Variants in VPS8 observed in about 807,000 individuals in gnomAD.
VPS8 encodes the protein vacuolar protein sorting-associated protein 8 homolog.
A neutral mutation model predicts 216.4 loss-of-function variants in VPS8; 129 were observed. The ratio of observed to expected loss-of-function variants is 0.60; its 90% confidence interval spans 0.52 to 0.69. The LOEUF is 0.69. Among genes scored for constraint, VPS8 ranks in the 30% least tolerant of loss-of-function variants. The probability of loss-of-function intolerance (pLI) is 0.00; values close to 1 mark genes in which losing one functional copy is unlikely to be tolerated. For synonymous variants in VPS8, 571 were observed against 565.4 expected (o/e 1.01, Z -0.14); for missense variants, 1,531 against 1,683.5 (o/e 0.91, Z 1.59).
intron 25 of VPS8, among the ~76,000 whole-genome samples, chr3:184,910,128 A>T (rs866186272): frequency 0.021 from 1,852 of 86,788 alleles, 33 homozygotes; most frequent in African/African-American, 0.054. Context: ...AGATTCTCCT[A>T]TTTTTTTTTT....
chr3:184,994,113 C>T, intron 43 of VPS8, 50 bp downstream of exon 43: 1 of 1,352,670 alleles, frequency 7.4e-7, no homozygotes. Context: ...TAGAAAAATG[C>T]TATTTTTTTT....
intron 9 of VPS8, 78 bp from the exon 10 acceptor site, chr3:184,849,858 T>A (rs778066864): frequency 7.5e-5 from 79 of 1,053,208 alleles, no homozygotes; most frequent in Admixed American, 3.3e-4. Flanking sequence ...GAATAGATTA[T>A]TCCAGCCAGA....
chr3:185,032,673 T>A (rs1758334162), intron 46 of VPS8, among the ~76,000 whole-genome samples: 1 of 152,126 alleles, frequency 6.6e-6, no homozygotes, highest in Non-Finnish European at 1.5e-5. Flanking sequence ...AATAGCCTTT[T>A]TTTTTTTCTT....
intron 29 of VPS8, among the ~76,000 whole-genome samples, chr3:184,921,581 CTT>C (rs201233527): frequency 6.7e-6 from 1 of 148,450 alleles, no homozygotes; most frequent in South Asian, 2.1e-4. Flanking sequence ...TCTTCTTCTT[CTT>C]TTTTTTTTGA....
At chr3:185,000,636 T>C (rs562676587) in intron 45 of VPS8, among the ~76,000 whole-genome samples, 263 of 146,024 alleles carry the variant, frequency 1.8e-3, no homozygotes, top group Admixed American at 4.5e-3. Flanking sequence ...TGAGATGCAG[T>C]CTCGCTCTGT....
At chr3:184,859,964 T>A (rs530667657) in intron 14 of VPS8, 21 bp from the exon 15 acceptor site, 1 of 1,597,926 alleles carries the variant, frequency 6.3e-7, no homozygotes, top group South Asian at 1.1e-5. Context: ...GGTTTTTAGG[T>A]TGTTTTTATT....
At chr3:184,907,309 A>G (rs535711908) in intron 25 of VPS8, among the ~76,000 whole-genome samples, 1 of 152,338 alleles carries the variant, frequency 6.6e-6, no homozygotes, top group South Asian at 2.1e-4. Flanking sequence ...GGGCAGAGAA[A>G]GAAATTAGAT....
At chr3:184,990,653 C>G (rs1751772335) in intron 42 of VPS8, among the ~76,000 whole-genome samples, 1 of 152,146 alleles carries the variant, frequency 6.6e-6, no homozygotes, top group Non-Finnish European at 1.5e-5. Context: ...GAAATGGGAA[C>G]CACTAGAATT....
At chr3:184,969,421 C>A (rs1196265826) in intron 39 of VPS8, among the ~76,000 whole-genome samples, 2 of 25,854 alleles carry the variant, frequency 7.7e-5, no homozygotes, top group African/African-American at 2.9e-4. Context: ...CAGCCCCACC[C>A]CCCCCCCTTT....
At chr3:184,954,901 A>G (rs1745317215) in intron 36 of VPS8, among the ~76,000 whole-genome samples, 1 of 152,236 alleles carries the variant, frequency 6.6e-6, no homozygotes, top group African/African-American at 2.4e-5. Context: ...AGCTTTTAAT[A>G]TTACTCTTTG....
rs562679137 is a variant in VPS8 at position 184,997,855 on chromosome 3, T to C, written c.3836+1354T>C. ...CATGAATAAAAAACAAGCTATGCTA[T>C]AGAGGAAAAGGAATGTTGGGAGCTA... On this transcript the variant is annotated intron_variant, in intron 44 of 47. Transcript: ENST00000625842. Among the ~76,000 whole-genome samples the C allele has an allele frequency of 1.4e-4, 21 of 152,288 alleles. No homozygotes were observed. The South Asian group carries it at 1.5e-3, about 11-fold the overall frequency.
intron 20 of VPS8, among the ~76,000 whole-genome samples, chr3:184,869,913 C>T (rs1728045731): frequency 6.6e-6 from 1 of 152,016 alleles, no homozygotes; most frequent in Non-Finnish European, 1.5e-5. Flanking sequence ...GTTATAATTC[C>T]CTGTGTCATC....
chr3:184,901,011 A>G (rs1406900387), intron 25 of VPS8, 39 bp downstream of exon 25: 5 of 1,565,990 alleles, frequency 3.2e-6, no homozygotes, highest in Non-Finnish European at 4.4e-6. Context: ...GCTTTCCTGT[A>G]TTTAAGGTAT....
intron 8 of VPS8, among the ~76,000 whole-genome samples, chr3:184,846,656 G>T (rs1463544203): frequency 6.6e-6 from 1 of 152,216 alleles, no homozygotes; most frequent in Non-Finnish European, 1.5e-5. Flanking sequence ...CTTAGACATC[G>T]CTCTGTGCCT....
intron 46 of VPS8, 69 bp from the exon 47 acceptor site, chr3:185,048,410 C>A: frequency 6.9e-7 from 1 of 1,440,274 alleles, no homozygotes; most frequent in Non-Finnish European, 9.8e-7. Context: ...GCTTCAGCAT[C>A]GTGTAGAGCA....
chr3:184,864,920 A>G (rs972156196), intron 16 of VPS8, among the ~76,000 whole-genome samples: 4 of 152,180 alleles, frequency 2.6e-5, no homozygotes, highest in African/African-American at 7.2e-5. Flanking sequence ...AGACAAAGAC[A>G]TAGTAGTTAT....
chr3:185,018,798 C>A (rs1269068240), intron 45 of VPS8, among the ~76,000 whole-genome samples: 1 of 152,202 alleles, frequency 6.6e-6, no homozygotes, highest in African/African-American at 2.4e-5. Context: ...ACTGCCAAGC[C>A]TCTAAATCAC....
chr3:184,973,604 T>A (rs577709146), intron 40 of VPS8, among the ~76,000 whole-genome samples: 1 of 152,332 alleles, frequency 6.6e-6, no homozygotes, highest in Admixed American at 6.5e-5. Context: ...AATTATTGTT[T>A]ACTATAATCA....
At chr3:185,001,565 A>C (rs1317248289) in intron 45 of VPS8, among the ~76,000 whole-genome samples, 1 of 152,204 alleles carries the variant, frequency 6.6e-6, no homozygotes, top group African/African-American at 2.4e-5. Context: ...ACACCAACCC[A>C]TAAGCTCCTC....
Sources: gnomAD v4.1 joint callset for allele counts (sites outside exome capture counted in the v4.1 genomes callset) on GRCh38, gnomAD v4.1.1 for gene constraint, MANE v1.5 for transcripts, NCBI Gene and HGNC (gene_info 2026-07-23, HGNC 2026-07-21) for gene names.